KCNC2: variants seen among roughly 807,000 people sequenced by gnomAD.
KCNC2 encodes the protein voltage-gated potassium channel KCNC2.
In KCNC2, 21 loss-of-function variants were observed where a neutral mutation model predicts 44.5. The observed-to-expected ratio is 0.47, with a 90% CI of 0.33 to 0.68. The LOEUF (loss-of-function observed/expected upper bound fraction) is 0.68, where lower values mean the gene tolerates loss of function less well. Ranked by LOEUF, KCNC2 falls within the 30% of genes least tolerant of loss-of-function variation. The pLI is 0.01. For missense variants in KCNC2, 589 were observed against 826.2 expected (o/e 0.71, Z 3.52); for synonymous variants, 391 against 339.1 (o/e 1.15, Z -1.68).
intron 2 of KCNC2, among the ~76,000 whole-genome samples, chr12:75,170,565 A>C (rs1018464783): frequency 1.3e-5 from 2 of 151,784 alleles, no homozygotes; most frequent in African/African-American, 4.8e-5. Context: ...AACCCAAAAA[A>C]AGTTCTTTAA....
chr12:75,146,027 C>T (rs1250130998), intron 2 of KCNC2, among the ~76,000 whole-genome samples: 2 of 148,542 alleles, frequency 1.3e-5, no homozygotes, highest in African/African-American at 5.0e-5. Context: ...GATCTCTGTT[C>T]ACTGCAGGTT....
At chr12:75,184,375 T>C (rs533676973) in intron 2 of KCNC2, among the ~76,000 whole-genome samples, 1 of 152,350 alleles carries the variant, frequency 6.6e-6, no homozygotes, top group East Asian at 1.9e-4. Flanking sequence ...AGAGTCTCCA[T>C]AGATGTGGGT....
intron 2 of KCNC2, among the ~76,000 whole-genome samples, chr12:75,152,685 G>A (rs1011305516): frequency 6.6e-6 from 1 of 152,014 alleles, no homozygotes; most frequent in East Asian, 1.9e-4. Flanking sequence ...GTTCATTTAG[G>A]GTGGGAAGTA....
intron 2 of KCNC2, among the ~76,000 whole-genome samples, chr12:75,058,004 T>C (rs1447058800): frequency 6.6e-6 from 1 of 151,972 alleles, no homozygotes; most frequent in Non-Finnish European, 1.5e-5. Context: ...AAATGTAATT[T>C]TCTGGGATAC....
chr12:75,096,443 A>G (rs1183424084), intron 2 of KCNC2, among the ~76,000 whole-genome samples: 1 of 152,056 alleles, frequency 6.6e-6, no homozygotes, highest in East Asian at 1.9e-4. Flanking sequence ...ATTTTTAAAA[A>G]ATACTCTTCT....
At chr12:75,148,819 AT>A (rs1890199790) in intron 2 of KCNC2, among the ~76,000 whole-genome samples, 4 of 152,030 alleles carry the variant, frequency 2.6e-5, no homozygotes, top group South Asian at 4.1e-4. Flanking sequence ...AATATTCTGA[AT>A]TCAGTTTTGT....
chr12:75,156,699 CAATA>C (rs2137499569), intron 2 of KCNC2, among the ~76,000 whole-genome samples: 1 of 151,928 alleles, frequency 6.6e-6, no homozygotes, highest in South Asian at 2.1e-4. Flanking sequence ...GTCTTTCACA[CAATA>C]AATACTCTAA....
At chr12:75,105,162 A>G (rs2137201323) in intron 2 of KCNC2, among the ~76,000 whole-genome samples, 1 of 152,186 alleles carries the variant, frequency 6.6e-6, no homozygotes, top group East Asian at 1.9e-4. Flanking sequence ...GTGAAGATTT[A>G]CTATTTTTAA....
At chr12:75,058,704 T>G (rs965361022) in intron 2 of KCNC2, among the ~76,000 whole-genome samples, 2 of 151,994 alleles carry the variant, frequency 1.3e-5, no homozygotes, top group Admixed American at 1.3e-4. Flanking sequence ...CAGGTACCTG[T>G]AAACCAAAGG....
intron 3 of KCNC2, among the ~76,000 whole-genome samples, chr12:75,049,283 T>C (rs1880907977): frequency 6.6e-6 from 1 of 152,160 alleles, no homozygotes; most frequent in Non-Finnish European, 1.5e-5. Context: ...TGATGCCTCC[T>C]TTTTTGTTAG....
intron 2 of KCNC2, among the ~76,000 whole-genome samples, chr12:75,073,775 G>A (rs1275616583): frequency 6.6e-6 from 1 of 152,078 alleles, no homozygotes; most frequent in Non-Finnish European, 1.5e-5. Flanking sequence ...AAATTTATGG[G>A]CTATCTGATT....
chr12:75,105,524 C>T (rs1022030341), intron 2 of KCNC2, among the ~76,000 whole-genome samples: 7 of 151,938 alleles, frequency 4.6e-5, no homozygotes, highest in African/African-American at 1.7e-4. Context: ...GGCAGGAGGC[C>T]CATTAGAAAG....
At chr12:75,101,044 G>T (rs1289465189) in intron 2 of KCNC2, among the ~76,000 whole-genome samples, 1 of 152,074 alleles carries the variant, frequency 6.6e-6, no homozygotes, top group Non-Finnish European at 1.5e-5. Context: ...TTTCAACTGT[G>T]ACTTGATACT....
intron 2 of KCNC2, among the ~76,000 whole-genome samples, chr12:75,092,337 T>A (rs1885556809): frequency 6.6e-6 from 1 of 151,798 alleles, no homozygotes; most frequent in African/African-American, 2.4e-5. Flanking sequence ...GCCTGTATAA[T>A]TTCTCTTTAG....
rs1881156245 is a variant in KCNC2 at position 75,051,393 on chromosome 12, C to T, written c.688-76G>A. On this transcript the variant is annotated intron_variant, in intron 2 of 4. Coordinates refer to ENST00000549446, the MANE Select transcript of KCNC2 (RefSeq NM_139137.4). ...TATGTTGATTCTAATCTAAAAGCAA[C>T]AATCCCTGTAAATAAAAAAGAATAA... The T allele has an allele frequency of 8.5e-6, 7 of 821,050 alleles. No homozygotes were observed. In the South Asian group the frequency reaches 1.2e-4, roughly 14 times the overall value. 50.9% of individuals were successfully genotyped at this position (821,050 alleles called of 1,614,324 possible). A position where few individuals can be genotyped will look rare whatever the true frequency, so the allele number is the denominator to read the frequency against.
At chr12:75,154,952 CCTAT>C in intron 2 of KCNC2, among the ~76,000 whole-genome samples, 1 of 151,786 alleles carries the variant, frequency 6.6e-6, no homozygotes, top group South Asian at 2.1e-4. Flanking sequence ...CTTTATTGAG[CCTAT>C]AGAAAAGTAT....
chr12:75,164,495 T>A (rs1162116333), intron 2 of KCNC2, among the ~76,000 whole-genome samples: 1 of 151,718 alleles, frequency 6.6e-6, no homozygotes, highest in Admixed American at 6.6e-5. Flanking sequence ...ATATTTCTGA[T>A]ACTTTGCCAG....
intron 2 of KCNC2, among the ~76,000 whole-genome samples, chr12:75,135,865 C>T (rs1436506752): frequency 1.3e-5 from 2 of 151,734 alleles, no homozygotes; most frequent in East Asian, 1.9e-4. Flanking sequence ...CTATGTGTAC[C>T]CAGAGCATGG....
At chr12:75,044,992 G>A (rs574799225) in intron 4 of KCNC2, among the ~76,000 whole-genome samples, 33 of 152,022 alleles carry the variant, frequency 2.2e-4, no homozygotes, top group East Asian at 1.9e-4. Context: ...ATTTTCACAT[G>A]CACAGAGGGT....
Sources: allele counts gnomAD v4.1 joint callset (sites outside exome capture counted in the v4.1 genomes callset), GRCh38; gene constraint gnomAD v4.1.1; transcripts MANE v1.5; gene names NCBI Gene and HGNC (gene_info 2026-07-23, HGNC 2026-07-21).